Variants in CYP7B1 observed in about 807,000 individuals in gnomAD.
CYP7B1 encodes cytochrome P450 family 7 subfamily B member 1, also known as cytochrome P450 7B1.
Under a neutral mutation model 42.7 loss-of-function variants are expected in CYP7B1, and 29 were observed. That is an observed-to-expected ratio of 0.68 (90% CI 0.51 to 0.93). The LOEUF is 0.93. CYP7B1 is among the 40% of genes least tolerant of loss of function. The probability of loss-of-function intolerance (pLI) is 0.00; values close to 1 mark genes in which losing one functional copy is unlikely to be tolerated. For synonymous variants in CYP7B1, 235 were observed against 218.2 expected, an observed-to-expected ratio of 1.08 and a Z score of -0.68; for missense variants, 655 against 600.5, an observed-to-expected ratio of 1.09 and a Z score of -0.95.
chr8:64,765,972 T>C (rs895198271), intron 1 of CYP7B1, among the ~76,000 whole-genome samples: 5 of 152,194 alleles, frequency 3.3e-5, no homozygotes, highest in African/African-American at 7.2e-5. Flanking sequence ...TTGTTACTGC[T>C]AGATTAGACA....
chr8:64,677,124 A>G (rs1474634447), intron 1 of CYP7B1, among the ~76,000 whole-genome samples: 2 of 152,126 alleles, frequency 1.3e-5, no homozygotes, highest in Non-Finnish European at 2.9e-5. Context: ...GCTTGTTATA[A>G]GCCTAATAGT....
chr8:64,642,952 T>C (rs762664579), intron 1 of CYP7B1, among the ~76,000 whole-genome samples: 4 of 151,752 alleles, frequency 2.6e-5, no homozygotes, highest in Non-Finnish European at 4.4e-5. Flanking sequence ...ATACTTTGGT[T>C]CCTGAAAATC....
intron 1 of CYP7B1, among the ~76,000 whole-genome samples, chr8:64,723,681 C>A (rs1313388162): frequency 6.6e-6 from 1 of 152,052 alleles, no homozygotes; most frequent in Non-Finnish European, 1.5e-5. Flanking sequence ...ATAAGACATG[C>A]AAACATTTTT....
chr8:64,709,417 T>C (rs1487134118), intron 1 of CYP7B1, among the ~76,000 whole-genome samples: 1 of 152,218 alleles, frequency 6.6e-6, no homozygotes, highest in Non-Finnish European at 1.5e-5. Context: ...TTTAATGATA[T>C]GGATATTTGT....
At chr8:64,792,291 T>G (rs1016513430) in intron 1 of CYP7B1, among the ~76,000 whole-genome samples, 10 of 152,274 alleles carry the variant, frequency 6.6e-5, no homozygotes, top group African/African-American at 2.4e-4. Context: ...AGAGAAGAAC[T>G]GTTAGGCAAA....
chr8:64,753,448 C>A (rs534956502), intron 1 of CYP7B1, among the ~76,000 whole-genome samples: 2 of 152,192 alleles, frequency 1.3e-5, no homozygotes, highest in Non-Finnish European at 2.9e-5. Flanking sequence ...GAAGTCCAAG[C>A]ATGTAACCTT....
chr8:64,771,080 T>TTTTG (rs61295651), intron 1 of CYP7B1, among the ~76,000 whole-genome samples: 2 of 132,320 alleles, frequency 1.5e-5, no homozygotes, highest in African/African-American at 6.2e-5. Flanking sequence ...TTTTTTTTTT[T>TTTTG]AGACAGGGTC....
At position 64,798,554 on chromosome 8, in the gene CYP7B1, A is replaced by G; in HGVS notation, c.34T>C (p.Phe12Leu). 6.7e-7 allele frequency: 1 copy of G among 1,493,820 alleles called. No homozygotes were observed. The highest frequency in any genetic ancestry group is 8.8e-7 in the Non-Finnish European group (1 of 1,130,708). 92.5% of individuals were successfully genotyped at this position (1,493,820 alleles called of 1,614,324 possible). A position where few individuals can be genotyped will look rare whatever the true frequency, so the allele number is the denominator to read the frequency against. ...GGGAGGCCCAACCGCTCCAGCGAAA[A>G]GCGGCCCGTGGCCGCGGACACTTCT... is the stretch of plus-strand genomic sequence containing the variant. ...AGEVSAATGR[F>L]SLERLGLPGL... The change falls in exon 1 of 6, where the codon TTT becomes CTT. Residue 12 changes from phenylalanine (F) to leucine (L), a missense_variant. By Grantham distance (22) the Phe-to-Leu change is conservative (BLOSUM62 0). Coordinates refer to ENST00000310193, the MANE Select transcript of CYP7B1 (RefSeq NM_004820.5).
At chr8:64,626,067 T>C (rs1029875338) in intron 1 of CYP7B1, among the ~76,000 whole-genome samples, 1 of 152,216 alleles carries the variant, frequency 6.6e-6, no homozygotes, top group Admixed American at 6.5e-5. Flanking sequence ...TAGAACTAGA[T>C]GGCACCTTGG....
intron 1 of CYP7B1, among the ~76,000 whole-genome samples, chr8:64,665,870 C>G (rs1374726583): frequency 6.6e-6 from 1 of 151,978 alleles, no homozygotes; most frequent in African/African-American, 2.4e-5. Flanking sequence ...GCCACCACGC[C>G]CTGCTTAAGT....
intron 1 of CYP7B1, among the ~76,000 whole-genome samples, chr8:64,703,158 C>T: frequency 6.6e-6 from 1 of 151,990 alleles, no homozygotes; most frequent in East Asian, 1.9e-4. Context: ...CTTTGTCTCA[C>T]ATTTCTTTCA....
chr8:64,722,174 T>C (rs73689578), intron 1 of CYP7B1, among the ~76,000 whole-genome samples: 16,976 of 152,146 alleles, frequency 0.11, 1,314 homozygotes, highest in African/African-American at 0.21. Context: ...TTTTGCATCT[T>C]ACGCAGCAAA....
intron 1 of CYP7B1, among the ~76,000 whole-genome samples, chr8:64,632,248 A>G (rs1280553372): frequency 6.6e-6 from 1 of 152,196 alleles, no homozygotes; most frequent in Non-Finnish European, 1.5e-5. Flanking sequence ...GCCTTAAAAA[A>G]GGAAATTCTG....
At chr8:64,643,162 CACATATATACAT>C (rs1805890817) in intron 1 of CYP7B1, among the ~76,000 whole-genome samples, 2 of 29,336 alleles carry the variant, frequency 6.8e-5, no homozygotes, top group African/African-American at 1.7e-4. Context: ...TACATATATA[CACATATATACAT>C]ATATATACAT....
At chr8:64,752,390 A>C (rs1585894556) in intron 1 of CYP7B1, among the ~76,000 whole-genome samples, 1 of 137,676 alleles carries the variant, frequency 7.3e-6, no homozygotes, top group Admixed American at 7.0e-5. Flanking sequence ...GTGTATGTGC[A>C]TGTGCGTGTG....
At chr8:64,715,569 G>A (rs1807142566) in intron 1 of CYP7B1, among the ~76,000 whole-genome samples, 1 of 152,142 alleles carries the variant, frequency 6.6e-6, no homozygotes, top group Non-Finnish European at 1.5e-5. Context: ...ACACTTCCAA[G>A]ATCTTACCTC....
intron 1 of CYP7B1, among the ~76,000 whole-genome samples, chr8:64,749,782 T>G (rs913545039): frequency 6.6e-6 from 1 of 152,156 alleles, no homozygotes. Flanking sequence ...ATATATTTAA[T>G]CAACTTCCAT....
chr8:64,586,768 C>T (rs929978450), downstream of CYP7B1, among the ~76,000 whole-genome samples: 4 of 152,208 alleles, frequency 2.6e-5, no homozygotes, highest in Non-Finnish European at 4.4e-5. Flanking sequence ...AGCAACTTTA[C>T]ATCAATTAAC....
At chr8:64,675,452 A>T (rs961449872) in intron 1 of CYP7B1, among the ~76,000 whole-genome samples, 20 of 150,632 alleles carry the variant, frequency 1.3e-4, no homozygotes, top group Admixed American at 1.3e-3. Flanking sequence ...TTATTTTATT[A>T]TTTATTAATT....
Sources: allele counts gnomAD v4.1 joint callset (sites outside exome capture counted in the v4.1 genomes callset), GRCh38; gene constraint gnomAD v4.1.1; transcripts MANE v1.5; gene names NCBI Gene and HGNC (gene_info 2026-07-23, HGNC 2026-07-21).